The following TLL2 variants were observed in gnomAD, a reference collection of about 807,000 sequenced individuals.
TLL2 encodes the protein tolloid like 2, also known as tolloid-like protein 2.
Under a neutral mutation model 123.0 loss-of-function variants are expected in TLL2, and 106 were observed. That is an observed-to-expected ratio of 0.86 (90% confidence interval 0.74 to 1.01). TLL2 has a LOEUF of 1.01. TLL2 is among the 50% of genes least tolerant of loss of function. The pLI is 0.00. For synonymous variants in TLL2, 494 were observed against 516.8 expected (o/e 0.96, Z 0.60); for missense variants, 1,332 against 1,336.7 (o/e 1.00, Z 0.06).
At chr10:96,392,147 G>C (rs974540216) in intron 13 of TLL2, among the ~76,000 whole-genome samples, 4 of 152,210 alleles carry the variant, frequency 2.6e-5, no homozygotes, top group African/African-American at 9.7e-5. Context: ...ATGCACGCTA[G>C]ATGGGGAGGA....
At chr10:96,497,160 CACGCCTGT>C (rs1847485681) in intron 1 of TLL2, among the ~76,000 whole-genome samples, 1 of 151,714 alleles carries the variant, frequency 6.6e-6, no homozygotes, top group South Asian at 2.1e-4. Context: ...CGTTGTGGTG[CACGCCTGT>C]AATCCCAGCT....
chr10:96,397,098 G>T (rs1846349504), intron 11 of TLL2, 88 bp downstream of exon 11: 1 of 1,250,480 alleles, frequency 8.0e-7, no homozygotes, highest in Non-Finnish European at 1.1e-6. Flanking sequence ...GGCCTGGAGT[G>T]TCTGGGCTGG....
rs139552531 is a variant in TLL2, at chr10:96,410,446, C to T, written c.1077G>A (p.Thr359=). 1.4e-4 allele frequency: 220 copies of T among 1,613,852 alleles called. No homozygotes were observed. In the South Asian group the frequency reaches 1.4e-3, roughly 10 times the overall value. Residue 359 remains threonine, a synonymous_variant, in exon 9 of 21, where the codon ACG becomes ACA. Coordinates refer to ENST00000357947, the MANE Select transcript of TLL2 (RefSeq NM_012465.4). ...GGAAACCAGGTGCAGAAAAGTTTCC[C>T]GTTGTGTCCTGCAGGGTCTCCCCAC... The part of the protein sequence containing the change: ...PACGETLQDT[T]GNFSAPGFPN...
intron 9 of TLL2, among the ~76,000 whole-genome samples, chr10:96,406,207 C>G (rs1846447746): frequency 6.6e-6 from 1 of 152,020 alleles, no homozygotes; most frequent in Non-Finnish European, 1.5e-5. Flanking sequence ...CTGCAGCCCA[C>G]CAGCTCGGGG....
At chr10:96,449,146 A>G (rs1308322157) in intron 2 of TLL2, among the ~76,000 whole-genome samples, 3 of 152,206 alleles carry the variant, frequency 2.0e-5, no homozygotes, top group East Asian at 3.8e-4. Context: ...TGAAGACCCA[A>G]TAACAAACGG....
intron 1 of TLL2, among the ~76,000 whole-genome samples, chr10:96,486,818 G>T (rs1233277511): frequency 6.6e-6 from 1 of 152,204 alleles, no homozygotes; most frequent in Non-Finnish European, 1.5e-5. Flanking sequence ...AGCGGGGGCC[G>T]CTCTGCAGCA....
chr10:96,416,367 T>C (rs1220943664), intron 7 of TLL2, among the ~76,000 whole-genome samples: 2 of 152,160 alleles, frequency 1.3e-5, no homozygotes, highest in African/African-American at 4.8e-5. Context: ...GACTTTCCGA[T>C]GTGCCAGGCC....
At chr10:96,469,548 C>A (rs1157361186) in intron 2 of TLL2, among the ~76,000 whole-genome samples, 1 of 152,198 alleles carries the variant, frequency 6.6e-6, no homozygotes, top group Admixed American at 6.5e-5. Flanking sequence ...CAGCCTCCCG[C>A]CTGGGTGACA....
chr10:96,464,398 T>A (rs7089937), intron 2 of TLL2, among the ~76,000 whole-genome samples: 142,424 of 151,806 alleles, frequency 0.94, 67,416 homozygotes, highest in Non-Finnish European at 1. Flanking sequence ...ATAAATAAAT[T>A]AATTAATTAA....
chr10:96,468,306 C>T lies in TLL2; in HGVS notation c.286+12043G>A, dbSNP rs541267159. 2.6e-5 allele frequency among the ~76,000 whole-genome samples: 4 copies of T among 152,216 alleles called. No homozygotes were observed. The South Asian group carries it at 8.3e-4, about 32-fold the overall frequency. On this transcript the variant is annotated intron_variant, in intron 2 of 20. Transcript: ENST00000357947. ...CACAGTGCCTTACATAGGTAGCTGC[C>T]GGAGGCATTCAGTAGGGGACACTGC...
intron 8 of TLL2, 39 bp from the exon 9 acceptor site, chr10:96,410,513 A>C (rs769438617): frequency 1.8e-5 from 27 of 1,542,446 alleles, no homozygotes; most frequent in Non-Finnish European, 2.3e-5. Flanking sequence ...TGGCATATGC[A>C]CCTCTCCCCG....
chr10:96,425,259 T>TCTC lies in TLL2; in HGVS notation c.639-2533_639-2532insGAG. Among the ~76,000 whole-genome samples, 3 of 144,350 alleles carry TCTC rather than the reference T, an allele frequency of 2.1e-5. No individual in the cohort carries two copies. The South Asian group carries it at 6.6e-4, about 32-fold the overall frequency. The allele number at this position is 144,350 out of a possible 152,430, so 94.7% of individuals were successfully genotyped here. ...GATAGCTACCTCTGTCATTACTGTTTTCTCTCTCTCTCTCTCTCTCTCTCT... is the reference window on the plus strand; with the variant it reads ...GATAGCTACCTCTGTCATTACTGTTTCTCTCTCTCTCTCTCTCTCTCTCTCTCT... On this transcript the variant is annotated intron_variant, in intron 5 of 20. Transcript: ENST00000357947.
At chr10:96,471,356 G>T (rs1276568150) in intron 2 of TLL2, among the ~76,000 whole-genome samples, 4 of 152,142 alleles carry the variant, frequency 2.6e-5, no homozygotes, top group Non-Finnish European at 5.9e-5. Flanking sequence ...CCATGTGCTG[G>T]TTGGAATCCA....
At chr10:96,506,548 G>C (rs1847581918) in intron 1 of TLL2, among the ~76,000 whole-genome samples, 1 of 151,066 alleles carries the variant, frequency 6.6e-6, no homozygotes, top group Non-Finnish European at 1.5e-5. Context: ...AGCCTCTTCT[G>C]CTGAGCAGGC....
intron 3 of TLL2, among the ~76,000 whole-genome samples, chr10:96,433,331 C>T (rs1846763682): frequency 6.6e-6 from 1 of 152,130 alleles, no homozygotes; most frequent in South Asian, 2.1e-4. Flanking sequence ...AATCTCTTGC[C>T]TTGATCCAAT....
At position 96,379,021 on chromosome 10, in the gene TLL2, A is replaced by C; in HGVS notation, c.2266T>G (p.Cys756Gly). The change falls in exon 17 of 21, where the codon TGC (cysteine) becomes GGC (glycine). Residue 756 changes from cysteine (C) to glycine (G), a missense_variant. By Grantham distance (159) the Cys-to-Gly change is radical. Transcript: ENST00000357947. The part of the protein sequence containing the change: ...ECVNTFGSYL[C>G]RCRNGYWLHE... ...AGCCAGTAGCCGTTTCTGCACCTGC[A>C]CAGGTAGCTCCCGAAGGTGTTGACG... 1 of 1,614,178 alleles carries C rather than the reference A, an allele frequency of 6.2e-7. No homozygotes were observed. The highest frequency in any genetic ancestry group is 1.6e-4 in the Middle Eastern group (1 of 6,062).
At chr10:96,384,515 G>T (rs1846211905) in intron 16 of TLL2, 72 bp downstream of exon 16, 1 of 1,392,120 alleles carries the variant, frequency 7.2e-7, no homozygotes, top group Non-Finnish European at 9.6e-7. Flanking sequence ...AGGGGGCCAG[G>T]GACCCCAGAG....
At position 96,395,187 on chromosome 10, in the gene TLL2, C is replaced by A; in HGVS notation, c.1726G>T (p.Glu576Ter). The change falls in exon 13 of 21, where the codon GAG becomes TAG. Residue 576 changes from glutamate to a stop codon, truncating the protein, a stop_gained and splice_region_variant. Transcript: ENST00000357947. LOFTEE classifies it high-confidence loss of function. The part of the protein sequence containing the change: ...KAGFAANFFK[E>*]VDECSWPDHG... ...GTGGAAACAAACTGCTAATTCATAC[C>A]CTTGAAAAAATTGGCTGCAAAGCCC... The A allele has an allele frequency of 6.2e-7, 1 of 1,601,502 alleles. No homozygotes were observed. Among genetic ancestry groups the A allele is most frequent in the South Asian group, 1.1e-5 (1 of 88,636 alleles).
chr10:96,390,094 C>T (rs1200060424), intron 13 of TLL2, among the ~76,000 whole-genome samples: 2 of 152,272 alleles, frequency 1.3e-5, no homozygotes, highest in Non-Finnish European at 2.9e-5. Flanking sequence ...GTAGAAGAGA[C>T]TGGAAGCAGC....
Sources: allele counts gnomAD v4.1 joint callset (sites outside exome capture counted in the v4.1 genomes callset), GRCh38; gene constraint gnomAD v4.1.1; transcripts MANE v1.5; gene names NCBI Gene and HGNC (gene_info 2026-07-23, HGNC 2026-07-21).